Variants in THSD7B observed in about 807,000 individuals in gnomAD.
THSD7B encodes thrombospondin type 1 domain containing 7B.
Under a neutral mutation model 213.6 loss-of-function variants are expected in THSD7B, and 138 were observed. That is an observed-to-expected ratio of 0.65 (90% CI 0.56 to 0.74). The LOEUF is 0.74. Ranked by LOEUF, THSD7B falls within the 30% of genes least tolerant of loss-of-function variation. THSD7B has a pLI of 0.00. For synonymous variants in THSD7B, 742 were observed against 687.0 expected (o/e 1.08, Z -1.25); for missense variants, 1,931 against 1,991.5 (o/e 0.97, Z 0.58).
intron 1 of THSD7B, among the ~76,000 whole-genome samples, chr2:136,864,000 G>A (rs1037525787): frequency 6.6e-6 from 1 of 152,172 alleles, no homozygotes; most frequent in African/African-American, 2.4e-5. Context: ...GCTTTGTGCT[G>A]CATGACGGAG....
intron 15 of THSD7B, among the ~76,000 whole-genome samples, chr2:137,523,051 A>G (rs1272469709): frequency 1.3e-5 from 2 of 152,214 alleles, no homozygotes; most frequent in African/African-American, 4.8e-5. Flanking sequence ...GCCACAACGT[A>G]AAAATGCTGC....
At chr2:136,837,339 C>T (rs189726121) in intron 1 of THSD7B, among the ~76,000 whole-genome samples, 31 of 152,290 alleles carry the variant, frequency 2.0e-4, no homozygotes, top group African/African-American at 7.5e-4. Context: ...TCTGCTCTAG[C>T]CATAGCCTCC....
At chr2:137,061,527 A>T (rs2104881653) in intron 3 of THSD7B, among the ~76,000 whole-genome samples, 1 of 150,512 alleles carries the variant, frequency 6.6e-6, no homozygotes, top group South Asian at 2.1e-4. Flanking sequence ...CAAGTCAAGG[A>T]AGTTCCCCTT....
At chr2:137,065,793 C>T (rs556296844) in intron 3 of THSD7B, among the ~76,000 whole-genome samples, 1 of 152,254 alleles carries the variant, frequency 6.6e-6, no homozygotes, top group East Asian at 1.9e-4. Context: ...ACTATATACA[C>T]TTCACAGGCA....
intron 2 of THSD7B, among the ~76,000 whole-genome samples, chr2:136,993,978 T>C (rs1685834565): frequency 6.6e-6 from 1 of 152,188 alleles, no homozygotes; most frequent in African/African-American, 2.4e-5. Context: ...ATGAGCTAAG[T>C]GTATTTTCTG....
At chr2:137,133,939 G>C (rs539125815) in intron 5 of THSD7B, among the ~76,000 whole-genome samples, 13 of 152,118 alleles carry the variant, frequency 8.5e-5, no homozygotes, top group African/African-American at 2.7e-4. Context: ...TGTGGCTACT[G>C]GCTACCATGT....
intron 2 of THSD7B, among the ~76,000 whole-genome samples, chr2:137,005,073 A>G (rs1219251611): frequency 3.9e-5 from 6 of 152,248 alleles, no homozygotes; most frequent in African/African-American, 1.4e-4. Context: ...GAAAATTATA[A>G]TGAAATATGT....
rs746088406 is a variant in THSD7B at position 137,676,587 on chromosome 2, T to C, written c.4803T>C (p.Asp1601=). 1.3e-6 allele frequency: 2 copies of C among 1,589,402 alleles called. No individual in the cohort carries two copies. Among genetic ancestry groups the C allele is most frequent in the South Asian group, 1.2e-5 (1 of 86,486 alleles). ...AGAAGCCTCTGACCTTAGCCTACGA[T>C]GGAGACTTAGACATGTAATCTGAAA... is the stretch of plus-strand genomic sequence containing the variant. ...PQQKPLTLAY[D]GDLDM The change falls in exon 28 of 28, where the codon GAT becomes GAC. Residue 1601 remains aspartate, a synonymous_variant. Coordinates refer to ENST00000409968, the MANE Select transcript of THSD7B (RefSeq NM_001316349.2).
At chr2:137,116,977 T>C (rs940149658) in intron 5 of THSD7B, among the ~76,000 whole-genome samples, 1 of 152,216 alleles carries the variant, frequency 6.6e-6, no homozygotes, top group African/African-American at 2.4e-5. Context: ...GTAAGTCTGA[T>C]AGTCCAGTTC....
At chr2:137,059,603 TA>T (rs35788667) in intron 3 of THSD7B, among the ~76,000 whole-genome samples, 1 of 152,168 alleles carries the variant, frequency 6.6e-6, no homozygotes, top group Non-Finnish European at 1.5e-5. Flanking sequence ...TTTGCCTTTT[TA>T]AAAAATGTTA....
intron 2 of THSD7B, among the ~76,000 whole-genome samples, chr2:137,032,860 A>G (rs190820277): frequency 6.9e-4 from 105 of 152,284 alleles, no homozygotes; most frequent in Middle Eastern, 3.4e-3. Flanking sequence ...GTCTAGTAAA[A>G]TTAAGATTAT....
intron 2 of THSD7B, among the ~76,000 whole-genome samples, chr2:136,916,649 T>C (rs541380045): frequency 6.6e-6 from 1 of 152,312 alleles, no homozygotes; most frequent in East Asian, 1.9e-4. Context: ...CCCCGCTGCT[T>C]CTCCCTGTGT....
At chr2:136,838,162 G>T (rs1444653312) in intron 1 of THSD7B, among the ~76,000 whole-genome samples, 2 of 152,064 alleles carry the variant, frequency 1.3e-5, no homozygotes, top group East Asian at 3.9e-4. Context: ...CTAATTTTTT[G>T]TGATTAAATC....
intron 4 of THSD7B, among the ~76,000 whole-genome samples, chr2:137,105,555 G>A (rs994968876): frequency 7.9e-5 from 12 of 152,106 alleles, no homozygotes; most frequent in African/African-American, 2.9e-4. Flanking sequence ...GTTCTGGCCA[G>A]GGCAATCAGG....
At chr2:137,395,233 CTT>C (rs1211798377) in intron 12 of THSD7B, among the ~76,000 whole-genome samples, 1 of 144,580 alleles carries the variant, frequency 6.9e-6, no homozygotes, top group Non-Finnish European at 1.5e-5. Flanking sequence ...GCATCCCTGT[CTT>C]TTGCCAGTTT....
intron 12 of THSD7B, among the ~76,000 whole-genome samples, chr2:137,375,489 C>T (rs1192872707): frequency 6.6e-6 from 1 of 152,198 alleles, no homozygotes; most frequent in Non-Finnish European, 1.5e-5. Context: ...ATGTTTCTCG[C>T]ATGCAACTTT....
chr2:137,444,010 C>T (rs926667711), intron 14 of THSD7B, among the ~76,000 whole-genome samples: 23 of 151,794 alleles, frequency 1.5e-4, no homozygotes, highest in African/African-American at 4.6e-4. Context: ...ATTATTTTGT[C>T]GATGCTGATG....
At chr2:137,623,210 A>G (rs988124799) in intron 20 of THSD7B, among the ~76,000 whole-genome samples, 1 of 152,240 alleles carries the variant, frequency 6.6e-6, no homozygotes, top group African/African-American at 2.4e-5. Flanking sequence ...TCATATAAAT[A>G]GAACCAAAGA....
intron 15 of THSD7B, among the ~76,000 whole-genome samples, chr2:137,551,749 G>T (rs1263639363): frequency 1.3e-5 from 2 of 152,024 alleles, no homozygotes; most frequent in African/African-American, 2.4e-5. Flanking sequence ...TAACAAACCA[G>T]GCGTGATGGG....
Sources: allele counts gnomAD v4.1 joint callset (sites outside exome capture counted in the v4.1 genomes callset), GRCh38; gene constraint gnomAD v4.1.1; transcripts MANE v1.5; gene names NCBI Gene and HGNC (gene_info 2026-07-23, HGNC 2026-07-21).